Variants in BRIX1 observed in about 807,000 individuals in gnomAD.
The protein encoded by BRIX1 is biogenesis of ribosomes BRX1.
Under a neutral mutation model 44.0 loss-of-function variants are expected in BRIX1, and 15 were observed. That is an observed-to-expected ratio of 0.34 (90% CI 0.23 to 0.53). The LOEUF (loss-of-function observed/expected upper bound fraction) is 0.53, where lower values mean the gene tolerates loss of function less well. Among genes scored for constraint, BRIX1 ranks in the 20% least tolerant of loss-of-function variants. The probability of loss-of-function intolerance (pLI) is 0.95; values close to 1 mark genes in which losing one functional copy is unlikely to be tolerated. For missense variants in BRIX1, 420 were observed against 432.8 expected, an observed-to-expected ratio of 0.97 and a Z score of 0.26; for synonymous variants, 149 against 135.4, an observed-to-expected ratio of 1.10 and a Z score of -0.70.
At chr5:34,917,088 G>A (rs959293486) in intron 1 of BRIX1, among the ~76,000 whole-genome samples, 1 of 152,064 alleles carries the variant, frequency 6.6e-6, no homozygotes, top group Non-Finnish European at 1.5e-5. Flanking sequence ...CTGCATATCA[G>A]AGGAAGTGTA....
chr5:34,923,342 C>G, intron 8 of BRIX1, 108 bp downstream of exon 8: 3 of 839,822 alleles, frequency 3.6e-6, no homozygotes, highest in Non-Finnish European at 5.8e-6. Flanking sequence ...TGCAGTGGCA[C>G]AATCTTGGCT....
At chr5:34,917,042 A>G (rs41270667) in intron 1 of BRIX1, among the ~76,000 whole-genome samples, 182 of 152,322 alleles carry the variant, frequency 1.2e-3, no homozygotes, top group African/African-American at 4.2e-3. Context: ...CCCTAGTATA[A>G]TAAGATAAAG....
intron 2 of BRIX1, among the ~76,000 whole-genome samples, chr5:34,919,499 A>G (rs1238466964): frequency 2.0e-5 from 3 of 152,104 alleles, no homozygotes; most frequent in African/African-American, 7.2e-5. Context: ...AGTGAAAGAT[A>G]TTTTCATTGA....
At position 34,918,140 on chromosome 5, in the gene BRIX1, CAAAAAAAAAAA is replaced by C. The variant is rs1184236238; in HGVS notation, c.160-214_160-204del. Reference sequence around the variant, plus strand: ...CAACATAGGGAGACTCCCATCTCTACAAAAAAAAAAAAAAAAAAAACTAGCTGGACATGGTG... The same window carrying C: ...CAACATAGGGAGACTCCCATCTCTACAAAAAAAAACTAGCTGGACATGGTG... On this transcript the variant is annotated intron_variant, in intron 1 of 9. Transcript: ENST00000336767. 4 of 98,514 alleles carry C rather than the reference CAAAAAAAAAAA, an allele frequency of 4.1e-5. No homozygotes were observed. In the East Asian group the frequency reaches 7.5e-4, roughly 18 times the overall value. The allele number at this position is 98,514 out of a possible 1,614,324, so 6.1% of individuals were successfully genotyped here. A position where few individuals can be genotyped will look rare whatever the true frequency, so the allele number is the denominator to read the frequency against.
intron 4 of BRIX1, 48 bp downstream of exon 4, chr5:34,922,335 GTTCTTTGTACC>G: frequency 8.3e-7 from 1 of 1,209,620 alleles, no homozygotes; most frequent in South Asian, 1.3e-5. Context: ...AAGTGGATTT[GTTCTTTGTACC>G]TTTTATGTTA....
chr5:34,918,140 C>CAAA (rs1184236238), intron 1 of BRIX1: 880 of 103,002 alleles, frequency 8.5e-3, no homozygotes, highest in South Asian at 0.015. Context: ...CCCATCTCTA[C>CAAA]AAAAAAAAAA....
intron 2 of BRIX1, chr5:34,919,137 A>AG (rs1361931292): frequency 2.0e-5 from 3 of 151,014 alleles, no homozygotes; most frequent in Non-Finnish European, 4.4e-5. Context: ...TAGCCAAGTG[A>AG]GGGGGTCACT....
rs1764362107 is a variant in BRIX1 at position 34,925,613 on chromosome 5, G to GA, written c.*123dup. The GA allele has an allele frequency of 2.6e-6, 2 of 772,282 alleles. No individual in the cohort carries two copies. Among genetic ancestry groups the GA allele is most frequent in the Non-Finnish European group, 3.8e-6 (2 of 520,040 alleles). The allele number at this position is 772,282 out of a possible 1,614,324, so 47.8% of individuals were successfully genotyped here. On this transcript the variant is annotated 3_prime_UTR_variant, in exon 10 of 10. Transcript: ENST00000336767. ...TAATTAGTGTAGCATTTACAAGAAA[G>GA]AAAAATTAAGATCTTAAAATCAGTG...
intron 3 of BRIX1, 147 bp downstream of exon 3, chr5:34,920,030 A>C: frequency 2.1e-6 from 1 of 475,012 alleles, no homozygotes; most frequent in South Asian, 2.4e-5. Context: ...TGGTCTTCCA[A>C]ATTTTTATCT....
chr5:34,922,618 G>C (rs1429459171), intron 5 of BRIX1, 30 bp downstream of exon 5: 1 of 1,592,502 alleles, frequency 6.3e-7, no homozygotes, highest in Non-Finnish European at 8.6e-7. Flanking sequence ...TTTTTTAGAT[G>C]AGGAAATTAA....
At chr5:34,921,086 C>T (rs1764227037) in intron 3 of BRIX1, 1 of 152,132 alleles carries the variant, frequency 6.6e-6, no homozygotes, top group South Asian at 2.1e-4. Flanking sequence ...GACAATTCAC[C>T]TACCTCGGCC....
At chr5:34,924,298 C>T (rs1764305269) in intron 8 of BRIX1, among the ~76,000 whole-genome samples, 1 of 152,222 alleles carries the variant, frequency 6.6e-6, no homozygotes, top group Non-Finnish European at 1.5e-5. Flanking sequence ...GGATACCTGG[C>T]ATGTGAGTTG....
intron 8 of BRIX1, 118 bp downstream of exon 8, chr5:34,923,352 T>C (rs1351246837): frequency 2.7e-6 from 2 of 750,296 alleles, no homozygotes; most frequent in Non-Finnish European, 4.5e-6. Context: ...CAATCTTGGC[T>C]CACTGCAACC....
chr5:34,922,939 G>T, intron 6 of BRIX1, 62 bp from the exon 7 acceptor site: 3 of 1,291,134 alleles, frequency 2.3e-6, no homozygotes, highest in South Asian at 2.5e-5. Context: ...AGAAACAAAT[G>T]AGCAAACAGT....
intron 9 of BRIX1, 101 bp from the exon 10 acceptor site, chr5:34,925,125 A>T (rs1764345239): frequency 1.4e-6 from 2 of 1,441,140 alleles, no homozygotes; most frequent in East Asian, 5.0e-5. Flanking sequence ...TTTTCATGAC[A>T]CTGGCTGAAA....
In BRIX1 at chr5:34,925,560, C is replaced by T. The variant is rs1764360592; in HGVS notation, c.*65C>T. On this transcript the variant is annotated 3_prime_UTR_variant, in exon 10 of 10. Coordinates refer to ENST00000336767, the MANE Select transcript of BRIX1 (RefSeq NM_018321.4). ...TTATTTTGTATTCAATGTGTAAATA[C>T]TTTTATTATCTAATACTATCTTACG... is the stretch of plus-strand genomic sequence containing the variant. 6 of 1,358,910 alleles carry T rather than the reference C, an allele frequency of 4.4e-6. No homozygotes were observed. Among genetic ancestry groups the T allele is most frequent in the East Asian group, 2.5e-5 (1 of 40,186 alleles). 84.2% of individuals were successfully genotyped at this position (1,358,910 alleles called of 1,614,324 possible). A position where few individuals can be genotyped will look rare whatever the true frequency, so the allele number is the denominator to read the frequency against.
rs1764363256 is a variant in BRIX1, at chr5:34,925,662, T to C, written c.*167T>C. ...TGATTATCTTTTTCTAAATAAAATA[T>C]CACCAGAATTCATCAGTTAATTTCT... On this transcript the variant is annotated 3_prime_UTR_variant, in exon 10 of 10. Coordinates refer to ENST00000336767, the MANE Select transcript of BRIX1 (RefSeq NM_018321.4). 1.2e-5 allele frequency: 7 copies of C among 579,124 alleles called. No homozygotes were observed. In the South Asian group the frequency reaches 2.0e-4, roughly 16 times the overall value. The allele number at this position is 579,124 out of a possible 1,614,324, so 35.9% of individuals were successfully genotyped here. A position where few individuals can be genotyped will look rare whatever the true frequency, so the allele number is the denominator to read the frequency against.
At chr5:34,923,941 C>T (rs1159077400) in intron 8 of BRIX1, among the ~76,000 whole-genome samples, 1 of 150,852 alleles carries the variant, frequency 6.6e-6, no homozygotes, top group East Asian at 1.9e-4. Context: ...AAGGGAATAA[C>T]TTGAAGATCC....
intron 3 of BRIX1, 178 bp downstream of exon 3, chr5:34,920,061 T>C (rs1764207809): frequency 2.4e-6 from 1 of 423,166 alleles, no homozygotes; most frequent in Non-Finnish European, 4.3e-6. Context: ...AGTGCTTCAT[T>C]CATTTCTGTT....
Sources: allele counts gnomAD v4.1 joint callset (sites outside exome capture counted in the v4.1 genomes callset), GRCh38; gene constraint gnomAD v4.1.1; transcripts MANE v1.5; gene names NCBI Gene and HGNC (gene_info 2026-07-23, HGNC 2026-07-21).